PUDP: variants seen among roughly 807,000 people sequenced by gnomAD.
PUDP encodes pseudouridine 5'-phosphatase, also known as pseudouridine-5'-phosphatase.
Under a neutral mutation model 9.4 loss-of-function variants are expected in PUDP, and 8 were observed. The ratio of observed to expected loss-of-function variants is 0.85; its 90% CI spans 0.50 to 1.53. The LOEUF (loss-of-function observed/expected upper bound fraction) is 1.53. PUDP is among the 40% of genes most tolerant of loss of function. The pLI is 0.00. For synonymous variants in PUDP, 99 were observed against 80.7 expected (o/e 1.23, Z -1.22); for missense variants, 188 against 189.7 (o/e 0.99, Z 0.05).
At chrX:6,799,699 T>C (rs1454044067) in intron 3 of PUDP, among the ~76,000 whole-genome samples, 1 of 111,363 alleles carries the variant, frequency 9.0e-6, no homozygotes, top group Non-Finnish European at 1.9e-5. Flanking sequence ...TAGCCAGACG[T>C]GGTGGTGCAT....
intron 3 of PUDP, among the ~76,000 whole-genome samples, chrX:7,052,424 C>T (rs1057418964): frequency 1.8e-5 from 2 of 111,778 alleles, no homozygotes; most frequent in African/African-American, 6.5e-5. Context: ...CTGGAAAGGG[C>T]TCACGGAAGC....
intron 3 of PUDP, among the ~76,000 whole-genome samples, chrX:7,066,271 A>T (rs1391280072): frequency 8.9e-6 from 1 of 111,906 alleles, no homozygotes; most frequent in African/African-American, 3.3e-5. Context: ...TAGTTCTTTT[A>T]AAAAGTGTTT....
chrX:6,879,483 T>C (rs192291817), intron 3 of PUDP, among the ~76,000 whole-genome samples: 1 of 110,428 alleles, frequency 9.1e-6, no homozygotes, highest in East Asian at 2.9e-4. Flanking sequence ...TCACATGCAT[T>C]GAGTCCAATG....
intron 3 of PUDP, among the ~76,000 whole-genome samples, chrX:6,840,515 G>A (rs1926651576): frequency 8.9e-6 from 1 of 112,261 alleles, no homozygotes; most frequent in African/African-American, 3.2e-5. Context: ...CATACTATAT[G>A]ATTTCAACTA....
intron 3 of PUDP, among the ~76,000 whole-genome samples, chrX:7,052,210 A>G (rs1250264649): frequency 9.3e-6 from 1 of 107,779 alleles, no homozygotes. Context: ...TTTTTTTTGT[A>G]TTTTTCAGTA....
At chrX:7,058,204 T>C (rs768595743) in intron 3 of PUDP, among the ~76,000 whole-genome samples, 15 of 112,297 alleles carry the variant, frequency 1.3e-4, no homozygotes, top group Non-Finnish European at 2.4e-4. Flanking sequence ...TAAACTATGA[T>C]GTGTCTGTTT....
At chrX:7,082,478 T>C (rs1931128179) in intron 2 of PUDP, among the ~76,000 whole-genome samples, 1 of 111,781 alleles carries the variant, frequency 8.9e-6, no homozygotes, top group Non-Finnish European at 1.9e-5. Context: ...TACCGGGGGT[T>C]GACAACGCAA....
chrX:6,833,422 T>C (rs1355935729), intron 3 of PUDP, among the ~76,000 whole-genome samples: 1 of 110,992 alleles, frequency 9.0e-6, no homozygotes, highest in Non-Finnish European at 1.9e-5. Context: ...GATAAATAGA[T>C]GGACGAATGA....
chrX:6,832,857 A>G (rs1685765087), intron 3 of PUDP, among the ~76,000 whole-genome samples: 2 of 111,491 alleles, frequency 1.8e-5, no homozygotes, highest in Non-Finnish European at 3.8e-5. Context: ...TATGCTGTGG[A>G]GGCCCTTCTG....
intron 2 of PUDP, among the ~76,000 whole-genome samples, chrX:6,977,438 T>G (rs1190788660): frequency 8.9e-6 from 1 of 112,374 alleles, no homozygotes; most frequent in Non-Finnish European, 1.9e-5. Flanking sequence ...ACCATTTCTG[T>G]GTTGACATGT....
intron 3 of PUDP, among the ~76,000 whole-genome samples, chrX:6,747,780 C>A (rs1925018044): frequency 9.1e-6 from 1 of 109,940 alleles, no homozygotes; most frequent in Admixed American, 9.6e-5. Flanking sequence ...TTTTTATCCC[C>A]TAGGGGTTTT....
At chrX:6,894,087 G>A (rs750093211) in intron 3 of PUDP, among the ~76,000 whole-genome samples, 49 of 110,877 alleles carry the variant, frequency 4.4e-4, no homozygotes, top group Non-Finnish European at 9.1e-4. Context: ...AACACACCCT[G>A]GGGCCTGTTG....
chrX:6,959,979 A>G (rs12845772), intron 3 of PUDP, among the ~76,000 whole-genome samples: 7,408 of 112,162 alleles, frequency 0.066, 248 homozygotes, highest in Admixed American at 0.14. Context: ...CTGTCCCACC[A>G]TTGTATTTGG....
At chrX:7,113,882 C>T (rs1391387694) in intron 1 of PUDP, among the ~76,000 whole-genome samples, 8 of 111,373 alleles carry the variant, frequency 7.2e-5, no homozygotes, top group African/African-American at 2.0e-4. Context: ...ATGCCTAAAA[C>T]GTGGTAATGT....
At chrX:6,711,935 T>A (rs767283295) in intron 1 of PUDP, among the ~76,000 whole-genome samples, 16 of 111,691 alleles carry the variant, frequency 1.4e-4, no homozygotes, top group Admixed American at 9.5e-5. Flanking sequence ...TATAGTCGCA[T>A]CCTCAGACTG....
At chrX:6,727,339 C>T (rs960802264) in intron 3 of PUDP, among the ~76,000 whole-genome samples, 1 of 111,651 alleles carries the variant, frequency 9.0e-6, no homozygotes, top group African/African-American at 3.2e-5. Flanking sequence ...CTTAATAGAA[C>T]ACTATCCTAT....
chrX:7,029,986 T>C (rs916912566), intron 1 of PUDP, among the ~76,000 whole-genome samples: 2 of 110,215 alleles, frequency 1.8e-5, no homozygotes, highest in African/African-American at 6.6e-5. Context: ...TCTGCTTGCG[T>C]GTGTGTGCAT....
intron 3 of PUDP, among the ~76,000 whole-genome samples, chrX:6,822,610 A>G (rs974826795): frequency 3.6e-5 from 4 of 110,943 alleles, no homozygotes; most frequent in Non-Finnish European, 7.6e-5. Context: ...TATTTTTAGT[A>G]GAGACGGGGT....
At position 6,798,817 on chromosome X, in the gene PUDP, ACT is replaced by A. The variant is rs751922163; in HGVS notation, c.*248-92353_*248-92352del. On this transcript the variant is annotated intron_variant and NMD_transcript_variant, in intron 3 of 3. Coordinates refer to the PUDP transcript ENST00000655425. ...ATATTTTTTTTAAAGACAGGGTCTC[ACT>A]CTGTTGCCCAGGCTGGAATGCAGTA... Among the ~76,000 whole-genome samples the A allele has an allele frequency of 2.5e-4, 28 of 111,890 alleles. No homozygotes were observed. The South Asian group carries it at 9.7e-3, about 39-fold the overall frequency.
Sources: gnomAD v4.1 joint callset for allele counts (sites outside exome capture counted in the v4.1 genomes callset) on GRCh38, gnomAD v4.1.1 for gene constraint, MANE v1.5 for transcripts, NCBI Gene and HGNC (gene_info 2026-07-23, HGNC 2026-07-21) for gene names.